JMJD1C: variants seen among roughly 807,000 people sequenced by gnomAD.
JMJD1C encodes the protein jumonji domain-containing protein 1C.
In JMJD1C, 31 loss-of-function variants were observed where a neutral mutation model predicts 245.3. The observed-to-expected ratio is 0.13, with a 90% CI of 0.09 to 0.17. The LOEUF (loss-of-function observed/expected upper bound fraction) is 0.17, where lower values mean the gene tolerates loss of function less well. Ranked by LOEUF, JMJD1C falls within the 10% of genes least tolerant of loss-of-function variation. The pLI, the probability that JMJD1C is intolerant of heterozygous loss-of-function variation, is 1.00. For synonymous variants in JMJD1C, 1,057 were observed against 1,017.4 expected (o/e 1.04, Z -0.74); for missense variants, 2,691 against 3,000.2 (o/e 0.90, Z 2.41).
At chr10:63,300,035 G>A (rs1859892524) in intron 2 of JMJD1C, among the ~76,000 whole-genome samples, 1 of 152,094 alleles carries the variant, frequency 6.6e-6, no homozygotes, top group Admixed American at 6.6e-5. Context: ...AATTAGAACT[G>A]CTGATGATCT....
In JMJD1C at chr10:63,427,631, G is replaced by A; in HGVS notation, c.168+37864C>T. On this transcript the variant is annotated intron_variant, in intron 1 of 25. Coordinates refer to ENST00000399262, the MANE Select transcript of JMJD1C (RefSeq NM_032776.3). Reference sequence around the variant, plus strand: ...CGGCTGATGGTGGTGGAGAAACAGTGTGTTTACTGTATGAACTCTAACAAC... The same window carrying A: ...CGGCTGATGGTGGTGGAGAAACAGTATGTTTACTGTATGAACTCTAACAAC... 2.2e-6 allele frequency: 3 copies of A among 1,359,084 alleles called. No homozygotes were observed. In the Admixed American group the frequency reaches 5.1e-5, roughly 23 times the overall value. The allele number at this position is 1,359,084 out of a possible 1,614,324, so 84.2% of individuals were successfully genotyped here. A position where few individuals can be genotyped will look rare whatever the true frequency, so the allele number is the denominator to read the frequency against.
intron 2 of JMJD1C, among the ~76,000 whole-genome samples, chr10:63,294,026 C>T (rs575700454): frequency 3.3e-5 from 5 of 152,194 alleles, no homozygotes; most frequent in African/African-American, 7.2e-5. Flanking sequence ...TCCAACTGAT[C>T]CTAAAAGACA....
chr10:63,354,483 T>C (rs950058001), intron 2 of JMJD1C, among the ~76,000 whole-genome samples: 19 of 152,150 alleles, frequency 1.2e-4, no homozygotes, highest in Non-Finnish European at 2.4e-4. Flanking sequence ...TTTATTTGTG[T>C]AGCTCTCTGG....
chr10:63,253,324 A>T (rs1185621478), intron 3 of JMJD1C, among the ~76,000 whole-genome samples: 1 of 152,162 alleles, frequency 6.6e-6, no homozygotes, highest in Non-Finnish European at 1.5e-5. Context: ...CTTTTCAAAA[A>T]GTGGTGCTGG....
chr10:63,366,129 G>C (rs1945819978), intron 2 of JMJD1C, among the ~76,000 whole-genome samples: 1 of 152,168 alleles, frequency 6.6e-6, no homozygotes, highest in Admixed American at 6.5e-5. Flanking sequence ...GTGACCTCCA[G>C]AGAAAGGAAT....
At chr10:63,337,634 G>GAAAAGAAAAGAA (rs1554892810) in intron 2 of JMJD1C, among the ~76,000 whole-genome samples, 2 of 142,546 alleles carry the variant, frequency 1.4e-5, no homozygotes, top group Non-Finnish European at 1.5e-5. Flanking sequence ...AAAAAGAAAA[G>GAAAAGAAAAGAA]AAAAAAAATC....
chr10:63,402,404 A>C (rs958495536), intron 1 of JMJD1C, among the ~76,000 whole-genome samples: 1 of 152,188 alleles, frequency 6.6e-6, no homozygotes, highest in African/African-American at 2.4e-5. Flanking sequence ...TGAATAAATG[A>C]AATTGTGACT....
chr10:63,336,985 T>G lies in JMJD1C; in HGVS notation c.333+43333A>C, dbSNP rs183800371. 3.3e-3 allele frequency among the ~76,000 whole-genome samples: 503 copies of G among 151,996 alleles called. 3 individuals carry two copies. Among genetic ancestry groups the G allele is most frequent in the African/African-American group, 0.012 (480 of 41,422 alleles). On this transcript the variant is annotated intron_variant, in intron 2 of 25. Transcript: ENST00000399262. ...CCTCCCAAGTAGCTGAGATTACAGG[T>G]GCCCGCCACCACAATCAGCTAATTT...
chr10:63,441,119 C>T (rs1048518183), intron 1 of JMJD1C, among the ~76,000 whole-genome samples: 1 of 152,102 alleles, frequency 6.6e-6, no homozygotes, highest in African/African-American at 2.4e-5. Context: ...CAGAAAAAGG[C>T]CGTGTGTAAA....
At chr10:63,322,702 C>G (rs568579366) in intron 2 of JMJD1C, among the ~76,000 whole-genome samples, 1 of 145,594 alleles carries the variant, frequency 6.9e-6, no homozygotes, top group Admixed American at 7.2e-5. Flanking sequence ...ACTAGGGAGG[C>G]TGAGGCAGGA....
upstream of JMJD1C, among the ~76,000 whole-genome samples, chr10:63,470,540 A>G (rs530010749): frequency 6.7e-4 from 102 of 152,344 alleles, no homozygotes; most frequent in African/African-American, 2.3e-3. Flanking sequence ...ACAATTCTCA[A>G]GAAAAAACAT....
intron 1 of JMJD1C, among the ~76,000 whole-genome samples, chr10:63,435,068 T>C (rs1950989187): frequency 6.6e-6 from 1 of 152,250 alleles, no homozygotes; most frequent in Non-Finnish European, 1.5e-5. Flanking sequence ...TACTGAACAA[T>C]GCGCTCAAGT....
rs1589727900 is a variant in JMJD1C, at chr10:63,427,350, G to C, written c.168+38145C>G. 6 of 1,059,726 alleles carry C rather than the reference G, an allele frequency of 5.7e-6. No homozygotes were observed. The East Asian group carries it at 2.0e-4, about 36-fold the overall frequency. 65.6% of individuals were successfully genotyped at this position (1,059,726 alleles called of 1,614,324 possible). ...TGCTCCAGAGTTCCTGGGACCAAGT[G>C]TTCACCGCCTTCTGGCATCAGTACC... is the stretch of plus-strand genomic sequence containing the variant. On this transcript the variant is annotated intron_variant, in intron 1 of 25. Transcript: ENST00000399262.
At chr10:63,276,004 G>C (rs1856734792) in intron 2 of JMJD1C, among the ~76,000 whole-genome samples, 1 of 152,130 alleles carries the variant, frequency 6.6e-6, no homozygotes, top group African/African-American at 2.4e-5. Context: ...GAATGCTAAA[G>C]CTGCTTGCAA....
At chr10:63,434,525 T>C (rs1950955528) in intron 1 of JMJD1C, among the ~76,000 whole-genome samples, 6 of 151,880 alleles carry the variant, frequency 4.0e-5, no homozygotes, top group Admixed American at 3.9e-4. Flanking sequence ...TAGAGAGGAA[T>C]AAGCTACCGA....
At chr10:63,255,566 T>C (rs1414621056) in intron 3 of JMJD1C, among the ~76,000 whole-genome samples, 1 of 152,196 alleles carries the variant, frequency 6.6e-6, no homozygotes, top group Non-Finnish European at 1.5e-5. Context: ...TTTCTTGAAA[T>C]GGATGTACCA....
intron 1 of JMJD1C, among the ~76,000 whole-genome samples, chr10:63,444,925 T>C (rs1006230187): frequency 6.6e-6 from 1 of 152,160 alleles, no homozygotes; most frequent in Non-Finnish European, 1.5e-5. Context: ...ATGTTTAGTA[T>C]GACAGAAATA....
chr10:63,301,659 G>A (rs964019252), intron 2 of JMJD1C: 57 of 388,692 alleles, frequency 1.5e-4, no homozygotes, highest in African/African-American at 9.9e-4. Flanking sequence ...GGGCCTGTCC[G>A]GGGCCTGACA....
At chr10:63,438,857 C>A (rs973169065) in intron 1 of JMJD1C, among the ~76,000 whole-genome samples, 2 of 152,170 alleles carry the variant, frequency 1.3e-5, no homozygotes, top group African/African-American at 4.8e-5. Context: ...GTCACCTCCG[C>A]CCCCTCAACA....
Sources: gnomAD v4.1 joint callset for allele counts (sites outside exome capture counted in the v4.1 genomes callset) on GRCh38, gnomAD v4.1.1 for gene constraint, MANE v1.5 for transcripts, NCBI Gene and HGNC (gene_info 2026-07-23, HGNC 2026-07-21) for gene names.